Variants in DYRK4 observed in about 807,000 individuals in gnomAD.
DYRK4 encodes dual specificity tyrosine phosphorylation regulated kinase 4, also known as dual specificity tyrosine-phosphorylation-regulated kinase 4.
A neutral mutation model predicts 68.3 loss-of-function variants in DYRK4; 64 were observed. The ratio of observed to expected loss-of-function variants is 0.94; its 90% CI spans 0.77 to 1.15. DYRK4 has a LOEUF of 1.15. Ranked by LOEUF, DYRK4 falls within the 50% of genes most tolerant of loss-of-function variation. The probability of loss-of-function intolerance (pLI) is 0.00; values close to 1 mark genes in which losing one functional copy is unlikely to be tolerated. For synonymous variants in DYRK4, 274 were observed against 289.9 expected, an observed-to-expected ratio of 0.95 and a Z score of 0.56; for missense variants, 740 against 764.7, an observed-to-expected ratio of 0.97 and a Z score of 0.38.
At chr12:4,594,018 C>A (rs545368693) in intron 6 of DYRK4, among the ~76,000 whole-genome samples, 1 of 152,246 alleles carries the variant, frequency 6.6e-6, no homozygotes, top group African/African-American at 2.4e-5. Flanking sequence ...CCAGGTGATG[C>A]CTGTGCTGTT....
At chr12:4,608,985 G>A (rs988291188) in intron 12 of DYRK4, among the ~76,000 whole-genome samples, 1 of 152,186 alleles carries the variant, frequency 6.6e-6, no homozygotes, top group Non-Finnish European at 1.5e-5. Context: ...CAGCCTTTTG[G>A]ATTAGGCAGA....
intron 2 of DYRK4, among the ~76,000 whole-genome samples, chr12:4,585,327 T>C (rs762252445): frequency 5.5e-4 from 83 of 152,198 alleles, no homozygotes; most frequent in Non-Finnish European, 3.2e-4. Flanking sequence ...CTCTCAAGGG[T>C]CTCATGGAGA....
At chr12:4,565,318 T>C (rs2137314141) in intron 1 of DYRK4, among the ~76,000 whole-genome samples, 1 of 152,296 alleles carries the variant, frequency 6.6e-6, no homozygotes. Flanking sequence ...ATGGCAAAGT[T>C]GGAATAAGTC....
chr12:4,563,346 G>C (rs1944647533), intron 1 of DYRK4, among the ~76,000 whole-genome samples: 1 of 152,138 alleles, frequency 6.6e-6, no homozygotes, highest in African/African-American at 2.4e-5. Context: ...CCCTGACTTT[G>C]CCCTCTCCAA....
intron 1 of DYRK4, 98 bp downstream of exon 1, chr12:4,562,381 A>G: frequency 7.0e-7 from 1 of 1,423,446 alleles, no homozygotes; most frequent in South Asian, 1.4e-5. Context: ...GGGAGAATGA[A>G]AAGCGTGCAG....
At chr12:4,605,570 G>A (rs1945135538) in intron 11 of DYRK4, among the ~76,000 whole-genome samples, 1 of 151,680 alleles carries the variant, frequency 6.6e-6, no homozygotes, top group Non-Finnish European at 1.5e-5. Flanking sequence ...AATCATTATA[G>A]CTTTAAAAAT....
intron 10 of DYRK4, chr12:4,601,876 T>TTGTGTGTG (rs58259135): frequency 0.016 from 2,568 of 157,598 alleles, 36 homozygotes; most frequent in East Asian, 0.053. Flanking sequence ...TCTGTAGGGT[T>TTGTGTGTG]TGTGTGTGTG....
At chr12:4,597,942 T>G (rs1225362808) in intron 8 of DYRK4, among the ~76,000 whole-genome samples, 1 of 152,160 alleles carries the variant, frequency 6.6e-6, no homozygotes, top group Non-Finnish European at 1.5e-5. Flanking sequence ...GGTGCGTGCC[T>G]GTAATCCCAG....
At chr12:4,569,766 C>T (rs1426436268) in intron 2 of DYRK4, among the ~76,000 whole-genome samples, 3 of 152,046 alleles carry the variant, frequency 2.0e-5, no homozygotes, top group African/African-American at 7.2e-5. Flanking sequence ...CGACCAAATC[C>T]GTATTCTTAA....
rs1207256958 is a variant in DYRK4, at chr12:4,590,422, G to A, written c.306G>A (p.Lys102=). The part of the protein sequence containing the change: ...FPHISKKVLL[K]SSLLYQENQA... Reference sequence around the variant, plus strand: ...ACATTAGCAAGAAAGTCCTGCTGAAGTCATCCCTGCTGTATCAGGTGAGTG... The same window carrying A: ...ACATTAGCAAGAAAGTCCTGCTGAAATCATCCCTGCTGTATCAGGTGAGTG... Residue 102 remains lysine, a synonymous_variant, in exon 4 of 15, where the codon AAG becomes AAA. Coordinates refer to ENST00000543431, the MANE Select transcript of DYRK4 (RefSeq NM_001394779.1). 39 of 1,535,916 alleles carry A rather than the reference G, an allele frequency of 2.5e-5. No individual in the cohort carries two copies. The highest frequency in any genetic ancestry group is 3.2e-5 in the Non-Finnish European group (37 of 1,146,874).
At chr12:4,601,236 G>C (rs561479609) in intron 10 of DYRK4, among the ~76,000 whole-genome samples, 2 of 152,204 alleles carry the variant, frequency 1.3e-5, no homozygotes, top group African/African-American at 4.8e-5. Flanking sequence ...TACAGTGTTA[G>C]CCATTCACTC....
intron 13 of DYRK4, chr12:4,610,545 G>GC: frequency 7.1e-6 from 2 of 282,208 alleles, no homozygotes; most frequent in African/African-American, 2.2e-5. Flanking sequence ...TAAGTGACCT[G>GC]CCCTGGAATA....
At chr12:4,590,009 C>A in intron 3 of DYRK4, 3 of 343,232 alleles carry the variant, frequency 8.7e-6, no homozygotes, top group Non-Finnish European at 1.3e-5. Context: ...CTCACAAAAG[C>A]CTTATGAGGT....
At chr12:4,579,670 T>C (rs915831833) in intron 2 of DYRK4, among the ~76,000 whole-genome samples, 7 of 152,218 alleles carry the variant, frequency 4.6e-5, no homozygotes, top group South Asian at 4.1e-4. Flanking sequence ...TTAGAAATTA[T>C]CTACTCAAAC....
At chr12:4,563,161 C>A (rs1211262000) in intron 1 of DYRK4, 2 of 456,090 alleles carry the variant, frequency 4.4e-6, no homozygotes, top group Non-Finnish European at 8.8e-6. Flanking sequence ...GCGATTTGAT[C>A]ACCTACATGT....
intron 2 of DYRK4, among the ~76,000 whole-genome samples, chr12:4,582,290 C>A (rs1431314674): frequency 6.6e-6 from 1 of 152,020 alleles, no homozygotes; most frequent in Non-Finnish European, 1.5e-5. Context: ...ACTAAAAATA[C>A]AAAATTAGCC....
intron 12 of DYRK4, among the ~76,000 whole-genome samples, chr12:4,609,672 T>G (rs550777876): frequency 6.6e-6 from 1 of 152,206 alleles, no homozygotes; most frequent in Non-Finnish European, 1.5e-5. Context: ...AGCTTTGTTA[T>G]TGATAAGACT....
At position 4,596,675 on chromosome 12, in the gene DYRK4, T is replaced by C. The variant is rs752719124; in HGVS notation, c.851T>C (p.Met284Thr). The change falls in exon 8 of 15, where the codon ATG becomes ACG. Residue 284 changes from methionine to threonine, a missense_variant. Transcript: ENST00000543431. ...GACAACACCTACAATGTGGTGCATA[T>C]GAAGGACTTTTTCTACTTTCGCAAT... ...DKDNTYNVVH[M>T]KDFFYFRNHF... 57 of 1,614,106 alleles carry C rather than the reference T, an allele frequency of 3.5e-5. No homozygotes were observed. In the Admixed American group the frequency reaches 9.2e-4, roughly 26 times the overall value.
At chr12:4,569,479 C>T (rs1313503977) in intron 2 of DYRK4, among the ~76,000 whole-genome samples, 1 of 152,214 alleles carries the variant, frequency 6.6e-6, no homozygotes, top group East Asian at 1.9e-4. Flanking sequence ...AGGTGACTCA[C>T]ACATGCGCCT....
Sources: gnomAD v4.1 joint callset for allele counts (sites outside exome capture counted in the v4.1 genomes callset) on GRCh38, gnomAD v4.1.1 for gene constraint, MANE v1.5 for transcripts, NCBI Gene and HGNC (gene_info 2026-07-23, HGNC 2026-07-21) for gene names.